Variants in UNC79 observed in about 807,000 individuals in gnomAD.
UNC79 encodes protein unc-79 homolog.
A neutral mutation model predicts 283.1 loss-of-function variants in UNC79; 37 were observed. That is an observed-to-expected ratio of 0.13 (90% CI 0.10 to 0.17). The LOEUF (loss-of-function observed/expected upper bound fraction) is 0.17, where lower values mean the gene tolerates loss of function less well. Among genes scored for constraint, UNC79 ranks in the 10% least tolerant of loss-of-function variants. The pLI is 1.00. For synonymous variants in UNC79, 1,107 were observed against 1,200.2 expected, an observed-to-expected ratio of 0.92 and a Z score of 1.61; for missense variants, 2,272 against 3,211.1, an observed-to-expected ratio of 0.71 and a Z score of 7.07.
At chr14:93,339,601 G>A (rs2053659517) in intron 1 of UNC79, among the ~76,000 whole-genome samples, 1 of 152,198 alleles carries the variant, frequency 6.6e-6, no homozygotes. Flanking sequence ...GCCCGGCCTA[G>A]ATGGCCATTT....
chr14:93,357,278 T>C (rs1456639655), intron 1 of UNC79, among the ~76,000 whole-genome samples: 5 of 152,134 alleles, frequency 3.3e-5, no homozygotes, highest in Admixed American at 3.3e-4. Context: ...AGTCCACCAC[T>C]AATGGGCATT....
intron 47 of UNC79, among the ~76,000 whole-genome samples, chr14:93,698,726 T>C (rs985054178): frequency 6.6e-6 from 1 of 152,094 alleles, no homozygotes. Flanking sequence ...CCTCAAGGGA[T>C]CTGCCCACCT....
chr14:93,647,905 G>C (rs527957228), intron 35 of UNC79, among the ~76,000 whole-genome samples: 1 of 152,226 alleles, frequency 6.6e-6, no homozygotes, highest in Non-Finnish European at 1.5e-5. Flanking sequence ...CCAGCAAAGA[G>C]AGAGCTTGTG....
At chr14:93,360,163 T>G (rs985000857) in intron 1 of UNC79, among the ~76,000 whole-genome samples, 1 of 152,140 alleles carries the variant, frequency 6.6e-6, no homozygotes, top group Admixed American at 6.5e-5. Flanking sequence ...TTAACATACT[T>G]AGCAGCTTGC....
At chr14:93,477,998 T>C (rs538860851) in intron 4 of UNC79, among the ~76,000 whole-genome samples, 30 of 152,218 alleles carry the variant, frequency 2.0e-4, no homozygotes, top group Non-Finnish European at 3.7e-4. Context: ...AGATTTCCTA[T>C]GTATAAGTTA....
At chr14:93,412,597 A>C (rs1244730318) in intron 1 of UNC79, among the ~76,000 whole-genome samples, 1 of 152,114 alleles carries the variant, frequency 6.6e-6, no homozygotes, top group Non-Finnish European at 1.5e-5. Context: ...TGGGAGTTTG[A>C]TTATAAAATG....
chr14:93,365,642 G>T (rs776693549), intron 1 of UNC79, among the ~76,000 whole-genome samples: 1 of 152,066 alleles, frequency 6.6e-6, no homozygotes, highest in Admixed American at 6.6e-5. Flanking sequence ...CAACATCTGC[G>T]CTAAATATCA....
chr14:93,390,267 A>G (rs1045131198), intron 1 of UNC79, among the ~76,000 whole-genome samples: 2 of 152,246 alleles, frequency 1.3e-5, no homozygotes, highest in African/African-American at 4.8e-5. Context: ...AAAAGTCAAC[A>G]TATATTCATG....
At chr14:93,355,973 G>A (rs66676204) in intron 1 of UNC79, among the ~76,000 whole-genome samples, 11,262 of 151,000 alleles carry the variant, frequency 0.075, 482 homozygotes, top group Middle Eastern at 0.14. Flanking sequence ...CATGACATCC[G>A]TAGCTTACTC....
At chr14:93,686,605 T>A in exon 43 of UNC79, 1 of 1,614,164 alleles carries the variant, frequency 6.2e-7, no homozygotes, top group Non-Finnish European at 8.5e-7. Flanking sequence ...TGTGAGGCAG[T>A]ACATCAACGA....
chr14:93,554,076 C>T (rs2062031313), intron 14 of UNC79, among the ~76,000 whole-genome samples: 1 of 152,134 alleles, frequency 6.6e-6, no homozygotes, highest in Non-Finnish European at 1.5e-5. Context: ...CATGGCTGGG[C>T]ATGGTGGGTT....
chr14:93,378,551 C>G (rs1321931022), intron 1 of UNC79, among the ~76,000 whole-genome samples: 1 of 151,898 alleles, frequency 6.6e-6, no homozygotes, highest in Admixed American at 6.6e-5. Context: ...GGATCTAAGT[C>G]TAAACACTAA....
chr14:93,597,247 A>C (rs1015494634), intron 23 of UNC79, 112 bp from the exon 24 acceptor site: 3 of 1,120,866 alleles, frequency 2.7e-6, no homozygotes, highest in Middle Eastern at 2.9e-4. Context: ...GGAGACCCAG[A>C]GTTAACTTTT....
At chr14:93,675,509 A>AC (rs2073267321) in intron 41 of UNC79, among the ~76,000 whole-genome samples, 1 of 152,232 alleles carries the variant, frequency 6.6e-6, no homozygotes, top group Non-Finnish European at 1.5e-5. Context: ...AGAGATGTGT[A>AC]CTGAGTAAGG....
chr14:93,490,345 G>A (rs2058661817), intron 5 of UNC79, among the ~76,000 whole-genome samples: 1 of 152,134 alleles, frequency 6.6e-6, no homozygotes, highest in African/African-American at 2.4e-5. Context: ...ATACAGATAG[G>A]CTGAGGGTTT....
rs187679326 is a variant in UNC79, at chr14:93,443,411, T to C, written c.22+12360T>C. Among the ~76,000 whole-genome samples the C allele has an allele frequency of 5.0e-3, 725 of 145,516 alleles. 4 individuals are homozygous for C. The highest frequency in any genetic ancestry group is 0.017 in the African/African-American group (678 of 39,244). Reference sequence around the variant, plus strand: ...ATGGAATCATTCAGTGCATACTCTTTTCTGTCTGACTTCTTTTTTTTTTTT... The same window carrying C: ...ATGGAATCATTCAGTGCATACTCTTCTCTGTCTGACTTCTTTTTTTTTTTT... On this transcript the variant is annotated intron_variant, in intron 1 of 48. Coordinates refer to ENST00000555664, the Ensembl canonical transcript of UNC79.
At chr14:93,532,451 C>CA (rs1212876228) in intron 10 of UNC79, 99 bp from the exon 11 acceptor site, 1 of 1,383,946 alleles carries the variant, frequency 7.2e-7, no homozygotes, top group East Asian at 2.5e-5. Flanking sequence ...GCCTGATTGA[C>CA]AGAGTGAGCC....
At chr14:93,583,437 T>G (rs1252467487) in intron 20 of UNC79, among the ~76,000 whole-genome samples, 3 of 152,254 alleles carry the variant, frequency 2.0e-5, no homozygotes, top group African/African-American at 7.2e-5. Flanking sequence ...ATTAGGGGAC[T>G]GTTTTCTGGG....
chr14:93,670,065 TTGTC>T (rs2072667368), intron 40 of UNC79, among the ~76,000 whole-genome samples: 1 of 152,134 alleles, frequency 6.6e-6, no homozygotes, highest in Non-Finnish European at 1.5e-5. Flanking sequence ...GTGCTGTTGT[TTGTC>T]TGGGAGGTGA....
Sources: gnomAD v4.1 joint callset for allele counts (sites outside exome capture counted in the v4.1 genomes callset) on GRCh38, gnomAD v4.1.1 for gene constraint, MANE v1.5 for transcripts, NCBI Gene and HGNC (gene_info 2026-07-23, HGNC 2026-07-21) for gene names.